VANGL1: variants seen among roughly 807,000 people sequenced by gnomAD.
VANGL1 encodes VANGL planar cell polarity protein 1.
VANGL1 carries 18 observed loss-of-function variants against 48.4 expected under a neutral mutation model. The ratio of observed to expected loss-of-function variants is 0.37; its 90% CI spans 0.26 to 0.55. The LOEUF is 0.55. Among genes scored for constraint, VANGL1 ranks in the 20% least tolerant of loss-of-function variants. The pLI is 0.81. For synonymous variants in VANGL1, 257 were observed against 261.8 expected (o/e 0.98, Z 0.18); for missense variants, 667 against 675.8 (o/e 0.99, Z 0.14).
intron 4 of VANGL1, among the ~76,000 whole-genome samples, chr1:115,676,938 T>A (rs1653188893): frequency 6.6e-6 from 1 of 152,200 alleles, no homozygotes; most frequent in Non-Finnish European, 1.5e-5. Context: ...ATCCTGCAGA[T>A]GAAGAGTATG....
chr1:115,655,453 A>G (rs1412354159), intron 2 of VANGL1, among the ~76,000 whole-genome samples: 1 of 152,200 alleles, frequency 6.6e-6, no homozygotes, highest in African/African-American at 2.4e-5. Context: ...GGCTGCCTGC[A>G]TGCCACCACT....
chr1:115,656,901 A>T (rs995885231), intron 2 of VANGL1, among the ~76,000 whole-genome samples: 4 of 152,222 alleles, frequency 2.6e-5, no homozygotes, highest in African/African-American at 9.6e-5. Flanking sequence ...TAGTGAATAG[A>T]TAGATGGGTT....
intron 6 of VANGL1, 71 bp from the exon 7 acceptor site, chr1:115,685,222 C>A (rs1303907450): frequency 6.6e-5 from 103 of 1,553,050 alleles, no homozygotes; most frequent in Non-Finnish European, 9.0e-5. Flanking sequence ...GCAGGGTAGA[C>A]AAGCGTCATT....
intron 4 of VANGL1, among the ~76,000 whole-genome samples, chr1:115,680,027 G>GTGT (rs1491432647): frequency 3.1e-4 from 11 of 34,960 alleles, no homozygotes; most frequent in Admixed American, 1.2e-3. Flanking sequence ...GTGTGTATGT[G>GTGT]AGAGAGAGAG....
chr1:115,682,598 C>T, intron 5 of VANGL1, 101 bp downstream of exon 5: 1 of 1,544,786 alleles, frequency 6.5e-7, no homozygotes, highest in Non-Finnish European at 8.9e-7. Context: ...TCTGGGCCTA[C>T]CTTTATGGTA....
At position 115,686,796 on chromosome 1, in the gene VANGL1, A is replaced by G. The variant is rs549966587; in HGVS notation, c.1314+1269A>G. 1.5e-3 allele frequency among the ~76,000 whole-genome samples: 228 copies of G among 152,316 alleles called. 2 individuals carry two copies. The highest frequency in any genetic ancestry group is 4.7e-3 in the African/African-American group (196 of 41,572). On this transcript the variant is annotated intron_variant, in intron 7 of 7. Transcript: ENST00000355485. Reference sequence around the variant, plus strand: ...TAGCAATTTAGTCTGGCCTCTTCATATGACAGGTACTGTTTTAAGCACATC... The same window carrying G: ...TAGCAATTTAGTCTGGCCTCTTCATGTGACAGGTACTGTTTTAAGCACATC...
At chr1:115,674,906 AG>A in intron 4 of VANGL1, among the ~76,000 whole-genome samples, 1 of 152,200 alleles carries the variant, frequency 6.6e-6, no homozygotes, top group East Asian at 1.9e-4. Flanking sequence ...AGTTCAAGGG[AG>A]GGTGAATGAA....
chr1:115,685,057 G>A (rs1056803561), intron 6 of VANGL1, among the ~76,000 whole-genome samples: 2 of 152,134 alleles, frequency 1.3e-5, no homozygotes, highest in Admixed American at 1.3e-4. Context: ...TCCCAGTCCT[G>A]GGGCTCCTTT....
At chr1:115,650,459 G>C (rs568146403) in intron 1 of VANGL1, among the ~76,000 whole-genome samples, 2 of 152,292 alleles carry the variant, frequency 1.3e-5, no homozygotes, top group Non-Finnish European at 2.9e-5. Flanking sequence ...AGAAGACCCA[G>C]GAGCCTGCAA....
intron 3 of VANGL1, 44 bp from the exon 4 acceptor site, chr1:115,663,617 A>G: frequency 6.2e-7 from 1 of 1,613,812 alleles, no homozygotes; most frequent in South Asian, 1.1e-5. Flanking sequence ...TAGCTTTTAC[A>G]AATGACCTGT....
At chr1:115,664,508 G>C (rs1168868517) in intron 4 of VANGL1, among the ~76,000 whole-genome samples, 1 of 152,334 alleles carries the variant, frequency 6.6e-6, no homozygotes, top group Non-Finnish European at 1.5e-5. Flanking sequence ...TGCTGGGCTT[G>C]TTCTCAAAGT....
chr1:115,694,139 C>T lies in VANGL1; in HGVS notation c.*2760C>T, dbSNP rs1418132701. On this transcript the variant is annotated 3_prime_UTR_variant, in exon 8 of 8. Transcript: ENST00000355485. Reference sequence around the variant, plus strand: ...TGTTAAAAAGTTCTGTATGCATTCTCAGAGAGGATTTTAAAGCTATATAGT... The same window carrying T: ...TGTTAAAAAGTTCTGTATGCATTCTTAGAGAGGATTTTAAAGCTATATAGT... The T allele has an allele frequency of 6.6e-6, 1 of 152,158 alleles. No individual in the cohort carries two copies. Among genetic ancestry groups the T allele is most frequent in the Non-Finnish European group, 1.5e-5 (1 of 68,036 alleles). 9.4% of individuals were successfully genotyped at this position (152,158 alleles called of 1,614,324 possible). A position where few individuals can be genotyped will look rare whatever the true frequency, so the allele number is the denominator to read the frequency against.
At chr1:115,689,525 T>C (rs1259776731) in intron 7 of VANGL1, among the ~76,000 whole-genome samples, 3 of 135,730 alleles carry the variant, frequency 2.2e-5, no homozygotes, top group African/African-American at 8.4e-5. Context: ...TAATCCCAGC[T>C]ACTCAGGAGA....
chr1:115,658,037 C>T (rs1652412170), intron 2 of VANGL1, among the ~76,000 whole-genome samples: 1 of 152,230 alleles, frequency 6.6e-6, no homozygotes, highest in African/African-American at 2.4e-5. Flanking sequence ...CCAGGCCCCA[C>T]CTCCAGCACT....
chr1:115,687,774 G>A (rs1653684500), intron 7 of VANGL1, among the ~76,000 whole-genome samples: 1 of 131,604 alleles, frequency 7.6e-6, no homozygotes, highest in Non-Finnish European at 1.6e-5. Context: ...ACGCCACCAT[G>A]CCTGGCAATT....
chr1:115,679,142 C>T (rs576847389), intron 4 of VANGL1, among the ~76,000 whole-genome samples: 4 of 152,306 alleles, frequency 2.6e-5, no homozygotes, highest in Admixed American at 6.5e-5. Flanking sequence ...CTCTTGGAGG[C>T]GTTTATCAAC....
At chr1:115,681,544 T>C (rs1231426002) in intron 4 of VANGL1, among the ~76,000 whole-genome samples, 1 of 150,716 alleles carries the variant, frequency 6.6e-6, no homozygotes, top group Non-Finnish European at 1.5e-5. Flanking sequence ...TTCACTCTTG[T>C]TGCCCAGGCT....
chr1:115,656,952 A>C (rs1035521778), intron 2 of VANGL1, among the ~76,000 whole-genome samples: 11 of 152,226 alleles, frequency 7.2e-5, no homozygotes, highest in Admixed American at 1.3e-4. Flanking sequence ...GAGAGTGATA[A>C]ATGTGAGAGT....
intron 4 of VANGL1, among the ~76,000 whole-genome samples, chr1:115,676,378 C>A (rs1653166300): frequency 6.6e-6 from 1 of 152,206 alleles, no homozygotes; most frequent in East Asian, 1.9e-4. Flanking sequence ...CAGAGTGGAC[C>A]CATCTTGGCT....
Sources: gnomAD v4.1 joint callset for allele counts (sites outside exome capture counted in the v4.1 genomes callset) on GRCh38, gnomAD v4.1.1 for gene constraint, MANE v1.5 for transcripts, NCBI Gene and HGNC (gene_info 2026-07-23, HGNC 2026-07-21) for gene names.